The following KIZ variants were observed in gnomAD, a reference collection of about 807,000 sequenced individuals.
KIZ encodes the protein centrosomal protein kizuna.
KIZ carries 68 observed loss-of-function variants against 79.6 expected under a neutral mutation model. That is an observed-to-expected ratio of 0.85 (90% CI 0.70 to 1.05). The LOEUF (loss-of-function observed/expected upper bound fraction) is 1.05. Among genes scored for constraint, KIZ ranks in the 50% least tolerant of loss-of-function variants. The pLI is 0.00. For synonymous variants in KIZ, 280 were observed against 281.8 expected (o/e 0.99, Z 0.06); for missense variants, 797 against 800.4 (o/e 1.00, Z 0.05).
chr20:21,173,210 G>A (rs2034291461), intron 6 of KIZ, among the ~76,000 whole-genome samples: 1 of 152,170 alleles, frequency 6.6e-6, no homozygotes, highest in Admixed American at 6.5e-5. Context: ...GAGAGGTGCT[G>A]TTGCTTTGGA....
chr20:21,177,896 T>C (rs2034501621), intron 6 of KIZ, among the ~76,000 whole-genome samples: 1 of 152,104 alleles, frequency 6.6e-6, no homozygotes, highest in Admixed American at 6.5e-5. Context: ...TATGCATGGA[T>C]TGATTTATGG....
At chr20:21,130,484 A>G (rs575354402) in intron 1 of KIZ, among the ~76,000 whole-genome samples, 1 of 152,328 alleles carries the variant, frequency 6.6e-6, no homozygotes, top group Admixed American at 6.5e-5. Context: ...TAGGGGGGGA[A>G]TGGTAACTAA....
intron 11 of KIZ, among the ~76,000 whole-genome samples, chr20:21,240,899 G>C (rs1458220312): frequency 2.0e-5 from 3 of 152,226 alleles, no homozygotes; most frequent in Non-Finnish European, 4.4e-5. Flanking sequence ...TACAAACACA[G>C]TTGAGTAGTT....
chr20:21,235,706 C>T (rs1200730746), intron 11 of KIZ, among the ~76,000 whole-genome samples: 1 of 152,164 alleles, frequency 6.6e-6, no homozygotes, highest in African/African-American at 2.4e-5. Context: ...AATGTTTTAC[C>T]AAAAGGAAAG....
intron 9 of KIZ, among the ~76,000 whole-genome samples, chr20:21,216,721 A>G (rs1037546860): frequency 2.0e-5 from 3 of 152,194 alleles, no homozygotes; most frequent in African/African-American, 7.2e-5. Context: ...CCATGAAGTC[A>G]TTTGGATACT....
At chr20:21,203,631 C>G (rs1275821241) in intron 6 of KIZ, among the ~76,000 whole-genome samples, 3 of 152,160 alleles carry the variant, frequency 2.0e-5, no homozygotes, top group Admixed American at 6.5e-5. Flanking sequence ...ATTGGAAGAA[C>G]TTTTCCTTGT....
chr20:21,175,998 G>C (rs958816338), intron 6 of KIZ, among the ~76,000 whole-genome samples: 2 of 151,940 alleles, frequency 1.3e-5, no homozygotes, highest in African/African-American at 4.8e-5. Flanking sequence ...CCTGAGCAAC[G>C]GAGTGAGACC....
intron 11 of KIZ, among the ~76,000 whole-genome samples, chr20:21,240,667 T>C (rs866266820): frequency 6.6e-6 from 1 of 152,156 alleles, no homozygotes; most frequent in Admixed American, 6.5e-5. Flanking sequence ...TTTACAACAA[T>C]GGTGGCCCTT....
intron 3 of KIZ, among the ~76,000 whole-genome samples, chr20:21,137,515 T>C (rs1405584449): frequency 6.6e-6 from 1 of 151,926 alleles, no homozygotes; most frequent in African/African-American, 2.4e-5. Context: ...TTCAGCCTTT[T>C]ATTGTAAAAT....
chr20:21,246,109 G>A (rs1248874659), intron 12 of KIZ: 1 of 218,734 alleles, frequency 4.6e-6, no homozygotes, highest in Non-Finnish European at 8.9e-6. Context: ...AGAAGAATGG[G>A]AGATGAAAGT....
intron 6 of KIZ, among the ~76,000 whole-genome samples, chr20:21,173,437 G>A (rs2034301135): frequency 6.6e-6 from 1 of 152,094 alleles, no homozygotes; most frequent in African/African-American, 2.4e-5. Flanking sequence ...AATTAGCTGG[G>A]TGTGGTGGCG....
intron 11 of KIZ, among the ~76,000 whole-genome samples, chr20:21,237,215 T>C (rs1490954222): frequency 6.7e-6 from 1 of 148,210 alleles, no homozygotes; most frequent in Non-Finnish European, 1.5e-5. Context: ...GGCAGGAGAA[T>C]CGTTTGAACC....
chr20:21,226,208 T>TG (rs1293006754), intron 9 of KIZ: 12 of 152,304 alleles, frequency 7.9e-5, no homozygotes, highest in African/African-American at 2.7e-4. Flanking sequence ...GGAGCAGCTG[T>TG]GCTCTATAGA....
At chr20:21,177,684 G>A (rs1302912050) in intron 6 of KIZ, among the ~76,000 whole-genome samples, 3 of 151,958 alleles carry the variant, frequency 2.0e-5, no homozygotes, top group Non-Finnish European at 4.4e-5. Flanking sequence ...TTTCCCCTAT[G>A]TTTTCTTCTA....
chr20:21,205,637 G>C, intron 7 of KIZ, 53 bp downstream of exon 7: 1 of 722,242 alleles, frequency 1.4e-6, no homozygotes, highest in African/African-American at 1.9e-5. Context: ...GGACCACAGG[G>C]TAAGGTTAGT....
intron 6 of KIZ, among the ~76,000 whole-genome samples, chr20:21,165,752 G>A (rs1370853809): frequency 1.3e-5 from 2 of 152,118 alleles, no homozygotes; most frequent in Non-Finnish European, 2.9e-5. Flanking sequence ...TATAATGAAG[G>A]TCCCAAATCA....
At chr20:21,236,141 C>T (rs758228859) in intron 11 of KIZ, among the ~76,000 whole-genome samples, 1 of 152,170 alleles carries the variant, frequency 6.6e-6, no homozygotes, top group Non-Finnish European at 1.5e-5. Context: ...TAAGAACAAT[C>T]GCTTGATTAT....
At chr20:21,238,225 T>G (rs543774946) in intron 11 of KIZ, among the ~76,000 whole-genome samples, 2 of 152,088 alleles carry the variant, frequency 1.3e-5, no homozygotes, top group African/African-American at 4.8e-5. Flanking sequence ...TTTGTTTTTT[T>G]TTTTTTTAAA....
At chr20:21,219,411 G>A (rs1490470492) in intron 9 of KIZ, among the ~76,000 whole-genome samples, 1 of 151,874 alleles carries the variant, frequency 6.6e-6, no homozygotes. Context: ...TCTATCTCCT[G>A]GGCTCAAGTG....
Sources: allele counts gnomAD v4.1 joint callset (sites outside exome capture counted in the v4.1 genomes callset), GRCh38; gene constraint gnomAD v4.1.1; transcripts MANE v1.5; gene names NCBI Gene and HGNC (gene_info 2026-07-23, HGNC 2026-07-21).